Variants in STAG1 observed in about 807,000 individuals in gnomAD.
STAG1 encodes the protein STAG1 cohesin complex component.
Under a neutral mutation model 170.9 loss-of-function variants are expected in STAG1, and 26 were observed. The observed-to-expected ratio is 0.15, with a 90% confidence interval of 0.11 to 0.21. The LOEUF (loss-of-function observed/expected upper bound fraction) is 0.21. Ranked by LOEUF, STAG1 falls within the 10% of genes least tolerant of loss-of-function variation. The pLI, the probability that STAG1 is intolerant of heterozygous loss-of-function variation, is 1.00. For missense variants in STAG1, 964 were observed against 1,509.5 expected (o/e 0.64, Z 5.99); for synonymous variants, 514 against 497.7 (o/e 1.03, Z -0.44).
chr3:136,653,004 G>T (rs1331541745), intron 1 of STAG1, among the ~76,000 whole-genome samples: 2 of 152,172 alleles, frequency 1.3e-5, no homozygotes, highest in Non-Finnish European at 2.9e-5. Flanking sequence ...GCCGGGCACA[G>T]TGGTTCACGC....
At chr3:136,747,199 G>A (rs1221525054) in intron 1 of STAG1, among the ~76,000 whole-genome samples, 1 of 150,692 alleles carries the variant, frequency 6.6e-6, no homozygotes, top group African/African-American at 2.4e-5. Flanking sequence ...CTTGAACCTG[G>A]GAAGCGAAGG....
At chr3:136,348,640 T>C (rs1188393490) in intron 29 of STAG1, 2 of 153,136 alleles carry the variant, frequency 1.3e-5, no homozygotes, top group African/African-American at 4.8e-5. Context: ...CTGGCCTTAA[T>C]TTCCTGATCC....
chr3:136,745,236 G>C (rs1279059501), intron 1 of STAG1, among the ~76,000 whole-genome samples: 1 of 152,030 alleles, frequency 6.6e-6, no homozygotes, highest in Non-Finnish European at 1.5e-5. Flanking sequence ...ACAAAGGAAT[G>C]TATTTCATAA....
At chr3:136,524,290 C>T (rs1390093375) in intron 6 of STAG1, among the ~76,000 whole-genome samples, 3 of 152,118 alleles carry the variant, frequency 2.0e-5, no homozygotes, top group African/African-American at 7.2e-5. Context: ...GTTTGTAGTT[C>T]TCCTTGAAGA....
intron 21 of STAG1, among the ~76,000 whole-genome samples, chr3:136,410,416 T>C (rs975318448): frequency 6.6e-6 from 1 of 151,482 alleles, no homozygotes; most frequent in Non-Finnish European, 1.5e-5. Flanking sequence ...AATAAAAAGT[T>C]TGCCCTAAGA....
rs191694068 is a variant in STAG1, at chr3:136,586,773, C to T, written c.297+17536G>A. The T allele has an allele frequency of 5.6e-5, 25 of 446,666 alleles. No individual in the cohort carries two copies. In the East Asian group the frequency reaches 1.1e-3, roughly 20 times the overall value. The allele number at this position is 446,666 out of a possible 1,614,324, so 27.7% of individuals were successfully genotyped here. ...TGCACTAACATGGGGAAGCAAGCAT[C>T]CAGCTATGAAATACATTACTTAGCT... On this transcript the variant is annotated intron_variant, in intron 4 of 33. Transcript: ENST00000383202.
chr3:136,476,270 A>ATG (rs2089747410), intron 10 of STAG1, among the ~76,000 whole-genome samples: 1 of 152,206 alleles, frequency 6.6e-6, no homozygotes, highest in Non-Finnish European at 1.5e-5. Flanking sequence ...CTAAGGACAA[A>ATG]TCTCAGCACA....
intron 10 of STAG1, among the ~76,000 whole-genome samples, chr3:136,475,280 G>A (rs2089721184): frequency 6.6e-6 from 1 of 150,996 alleles, no homozygotes; most frequent in African/African-American, 2.4e-5. Flanking sequence ...CCGAGTAGCT[G>A]AAATTACAGG....
At chr3:136,691,073 G>A (rs1447230808) in intron 1 of STAG1, among the ~76,000 whole-genome samples, 5 of 151,856 alleles carry the variant, frequency 3.3e-5, no homozygotes, top group Non-Finnish European at 7.4e-5. Flanking sequence ...CAAGGCGGGT[G>A]GAACACTTGA....
chr3:136,745,332 G>A (rs1421553239), intron 1 of STAG1, among the ~76,000 whole-genome samples: 1 of 152,042 alleles, frequency 6.6e-6, no homozygotes, highest in African/African-American at 2.4e-5. Context: ...AAACAAACGG[G>A]GGGCAGGGAA....
chr3:136,668,639 CG>C (rs1941890179), intron 1 of STAG1, among the ~76,000 whole-genome samples: 1 of 152,038 alleles, frequency 6.6e-6, no homozygotes, highest in African/African-American at 2.4e-5. Context: ...GGAAAGGACA[CG>C]GAACAGTACA....
intron 6 of STAG1, among the ~76,000 whole-genome samples, chr3:136,526,194 G>T (rs1474024506): frequency 2.0e-5 from 3 of 152,030 alleles, no homozygotes; most frequent in African/African-American, 7.3e-5. Context: ...TTGACAGTGG[G>T]GTGTTAAAGC....
chr3:136,549,281 T>C (rs750646844), intron 5 of STAG1, among the ~76,000 whole-genome samples: 11 of 152,308 alleles, frequency 7.2e-5, no homozygotes, highest in East Asian at 1.9e-4. Flanking sequence ...GATTGATGAA[T>C]TGTAACATTT....
At chr3:136,543,176 A>G (rs1935988324) in intron 5 of STAG1, among the ~76,000 whole-genome samples, 1 of 152,196 alleles carries the variant, frequency 6.6e-6, no homozygotes, top group Admixed American at 6.5e-5. Flanking sequence ...TGAGGTTTAG[A>G]AAAATAAGGG....
At chr3:136,359,056 T>C (rs1313465763) in intron 27 of STAG1, 92 bp downstream of exon 27, 1 of 1,048,758 alleles carries the variant, frequency 9.5e-7, no homozygotes, top group Non-Finnish European at 1.3e-6. Context: ...CTTAAAATTC[T>C]ATCGTCACTT....
intron 13 of STAG1, among the ~76,000 whole-genome samples, chr3:136,457,483 T>A (rs2089148113): frequency 6.6e-6 from 1 of 152,146 alleles, no homozygotes. Flanking sequence ...GCTTCTTTCT[T>A]TCATCACCAA....
intron 23 of STAG1, among the ~76,000 whole-genome samples, chr3:136,375,561 A>G (rs946941331): frequency 2.0e-5 from 3 of 152,174 alleles, no homozygotes; most frequent in African/African-American, 7.2e-5. Context: ...AGAAAGAGCC[A>G]TTTGAAAAAA....
chr3:136,354,652 A>G (rs1219776912), intron 28 of STAG1, among the ~76,000 whole-genome samples: 3 of 151,742 alleles, frequency 2.0e-5, no homozygotes, highest in Admixed American at 2.0e-4. Context: ...GCCACTAGGA[A>G]AATAACTAAA....
intron 5 of STAG1, among the ~76,000 whole-genome samples, chr3:136,558,950 T>G (rs888938920): frequency 1.3e-5 from 2 of 152,128 alleles, no homozygotes; most frequent in African/African-American, 2.4e-5. Flanking sequence ...CTTCCCAAAA[T>G]TGAACACTGG....
Sources: allele counts gnomAD v4.1 joint callset (sites outside exome capture counted in the v4.1 genomes callset), GRCh38; gene constraint gnomAD v4.1.1; transcripts MANE v1.5; gene names NCBI Gene and HGNC (gene_info 2026-07-23, HGNC 2026-07-21).